The following STMN3 variants were observed in gnomAD, a reference collection of about 807,000 sequenced individuals.
STMN3 encodes stathmin 3.
STMN3 carries 24 observed loss-of-function variants against 23.2 expected under a neutral mutation model. The ratio of observed to expected loss-of-function variants is 1.03; its 90% CI spans 0.75 to 1.45. STMN3 has a LOEUF of 1.45. STMN3 is among the 40% of genes most tolerant of loss of function. The pLI is 0.00. For synonymous variants in STMN3, 117 were observed against 103.4 expected, an observed-to-expected ratio of 1.13 and a Z score of -0.80; for missense variants, 235 against 237.6, an observed-to-expected ratio of 0.99 and a Z score of 0.07.
intron 1 of STMN3, among the ~76,000 whole-genome samples, chr20:63,646,916 G>A (rs551444166): frequency 1.3e-5 from 2 of 151,560 alleles, no homozygotes; most frequent in South Asian, 4.2e-4. Context: ...ACCACACCCG[G>A]CTAATTTTTG....
At chr20:63,648,419 A>G (rs1238867895) in intron 1 of STMN3, among the ~76,000 whole-genome samples, 2 of 152,156 alleles carry the variant, frequency 1.3e-5, no homozygotes, top group Non-Finnish European at 2.9e-5. Flanking sequence ...CCTTCAGCTC[A>G]TCCTTCCTTA....
intron 1 of STMN3, among the ~76,000 whole-genome samples, 165 bp downstream of exon 1, chr20:63,653,162 C>G (rs1329723977): frequency 6.6e-6 from 1 of 151,482 alleles, no homozygotes; most frequent in Non-Finnish European, 1.5e-5. Flanking sequence ...CCAGCCCCGC[C>G]GGCGCCGCAG....
chr20:63,650,990 A>C, intron 1 of STMN3, among the ~76,000 whole-genome samples: 8 of 132,130 alleles, frequency 6.1e-5, no homozygotes, highest in South Asian at 2.3e-4. Context: ...AAGAGTTTCT[A>C]CTCTTGCTGC....
intron 1 of STMN3, among the ~76,000 whole-genome samples, chr20:63,650,211 C>T (rs1254383427): frequency 2.6e-5 from 4 of 152,084 alleles, no homozygotes. Flanking sequence ...ACCGCCCCCT[C>T]CCCACCATCC....
intron 3 of STMN3, 141 bp downstream of exon 3, chr20:63,643,615 C>A: frequency 7.4e-7 from 1 of 1,359,440 alleles, no homozygotes; most frequent in Non-Finnish European, 9.4e-7. Flanking sequence ...CAGAAAGAGG[C>A]CCAGGGAGCC....
At position 63,652,664 on chromosome 20, in the gene STMN3, C is replaced by T; in HGVS notation, c.19+663G>A. ...CGGAGGGTTTGGGGATCGCAGTCGC[C>T]CCTCCCCCATCCAGACCCCGCGGCG... On this transcript the variant is annotated intron_variant, in intron 1 of 4. Transcript: ENST00000370053. The surrounding 1 kb of genome is among the most constrained non-coding windows in gnomAD (Gnocchi z 5.3). 1 of 985,652 alleles carries T rather than the reference C, an allele frequency of 1.0e-6. No homozygotes were observed. The highest frequency in any genetic ancestry group is 4.7e-5 in the South Asian group (1 of 21,290). 61.1% of individuals were successfully genotyped at this position (985,652 alleles called of 1,614,324 possible).
At position 63,642,169 on chromosome 20, in the gene STMN3, T is replaced by C; in HGVS notation, c.422A>G (p.Glu141Gly). 1 of 1,531,288 alleles carries C rather than the reference T, an allele frequency of 6.5e-7. No homozygotes were observed. The highest frequency in any genetic ancestry group is 1.2e-5 in the South Asian group (1 of 85,500). 94.9% of individuals were successfully genotyped at this position (1,531,288 alleles called of 1,614,324 possible). ...TGCCTCGCGGATCTCCTTGCTGAGC[T>C]CCATCTTGTAGTTGAGCTTCTCCTC... is the stretch of plus-strand genomic sequence containing the variant. Reference protein sequence around the residue: ...QAEEKLNYKMELSKEIREAHL... With the variant: ...QAEEKLNYKMGLSKEIREAHL... The change falls in exon 4 of 5, where the codon GAG (glutamate) becomes GGG (glycine). Residue 141 changes from glutamate to glycine, a missense_variant. Physicochemically the swap from Glu to Gly is moderately conservative, Grantham distance 98. Transcript: ENST00000370053.
At chr20:63,647,917 TTA>T in intron 1 of STMN3, among the ~76,000 whole-genome samples, 9 of 115,664 alleles carry the variant, frequency 7.8e-5, no homozygotes, top group South Asian at 5.1e-4. Context: ...TGTGTATATA[TTA>T]ATATATATAC....
rs749531814 is a variant in STMN3, at chr20:63,646,807, C to CT, written c.20-2499dup. ...AGGTGCATGCCAGCACACCAGTTTT[C>CT]TTTTTTTTTTTATCTCTGCTCACTG... On this transcript the variant is annotated intron_variant, in intron 1 of 4. Coordinates refer to ENST00000370053, the MANE Select transcript of STMN3 (RefSeq NM_015894.4). 3.0e-3 allele frequency among the ~76,000 whole-genome samples: 430 copies of CT among 144,218 alleles called. 2 individuals are homozygous for CT. The highest frequency in any genetic ancestry group is 8.4e-3 in the South Asian group (38 of 4,522). The allele number at this position is 144,218 out of a possible 152,430, so 94.6% of individuals were successfully genotyped here.
intron 1 of STMN3, among the ~76,000 whole-genome samples, chr20:63,647,636 A>ATATATATATATACATGTATATATAT (rs1265020574): frequency 2.2e-5 from 3 of 137,796 alleles, no homozygotes; most frequent in Non-Finnish European, 4.6e-5. Flanking sequence ...ACAAACAAAC[A>ATATATATATATACATGTATATATAT]TATATATATA....
At position 63,652,782 on chromosome 20, in the gene STMN3, TC is replaced by T; in HGVS notation, c.19+544del. 3 of 984,924 alleles carry T rather than the reference TC, an allele frequency of 3.0e-6. No homozygotes were observed. Among genetic ancestry groups the T allele is most frequent in the Non-Finnish European group, 3.6e-6 (3 of 829,858 alleles). 61.0% of individuals were successfully genotyped at this position (984,924 alleles called of 1,614,324 possible). On this transcript the variant is annotated intron_variant, in intron 1 of 4. Transcript: ENST00000370053. The surrounding 1 kb of genome is among the most constrained non-coding windows in gnomAD (Gnocchi z 5.3). ...GCAGCGGTGTGGGGGGAGGGCGCGG[TC>T]CCCCTCACTCCGGGCTCCGCCGTGT...
chr20:63,653,358 G>C lies in STMN3; in HGVS notation c.-13C>G, dbSNP rs1033293777. On this transcript the variant is annotated 5_prime_UTR_variant, in exon 1 of 5. Transcript: ENST00000370053. ...TGGTGCTGGCCATGGTGCTGGCGGCGGTTGGGCCTGCGGAGGCTGGAGAGG... is the reference window on the plus strand; with the variant it reads ...TGGTGCTGGCCATGGTGCTGGCGGCCGTTGGGCCTGCGGAGGCTGGAGAGG... 1 of 1,545,690 alleles carries C rather than the reference G, an allele frequency of 6.5e-7. No homozygotes were observed. Among genetic ancestry groups the C allele is most frequent in the South Asian group, 1.2e-5 (1 of 83,926 alleles).
intron 1 of STMN3, among the ~76,000 whole-genome samples, chr20:63,653,025 G>A (rs1209660895): frequency 6.6e-6 from 1 of 151,900 alleles, no homozygotes; most frequent in African/African-American, 2.4e-5. Flanking sequence ...CCACGCCCGG[G>A]TCTGGGAGCC....
At chr20:63,644,153 G>T in intron 2 of STMN3, 61 bp downstream of exon 2, 1 of 1,496,488 alleles carries the variant, frequency 6.7e-7, no homozygotes. Flanking sequence ...GCCGGAGGCC[G>T]GGGGAAAAGG....
chr20:63,648,874 C>T (rs760340040), intron 1 of STMN3, among the ~76,000 whole-genome samples: 1 of 152,128 alleles, frequency 6.6e-6, no homozygotes, highest in Non-Finnish European at 1.5e-5. Context: ...AGGACAAACA[C>T]CAGGGAGGCT....
intron 4 of STMN3, among the ~76,000 whole-genome samples, chr20:63,641,723 G>A (rs1386794435): frequency 5.3e-5 from 8 of 152,148 alleles, no homozygotes; most frequent in Middle Eastern, 3.2e-3. Context: ...CCAGACTCTG[G>A]ACCTGCCTCG....
At chr20:63,653,116 G>A (rs992764499) in intron 1 of STMN3, among the ~76,000 whole-genome samples, 3 of 151,344 alleles carry the variant, frequency 2.0e-5, no homozygotes, top group Non-Finnish European at 4.4e-5. Context: ...GGTCCCGAGC[G>A]CTCCCCGGCG....
At chr20:63,649,895 C>T (rs972763926) in intron 1 of STMN3, among the ~76,000 whole-genome samples, 10 of 149,980 alleles carry the variant, frequency 6.7e-5, no homozygotes, top group South Asian at 6.3e-4. Context: ...GGCGCGATGT[C>T]GGCTCACTGC....
In STMN3 at chr20:63,642,200, G is replaced by A; in HGVS notation, c.391C>T (p.Gln131Ter). ...TTGTAGTTGAGCTTCTCCTCCGCCT[G>A]GCGGCTGAAGTTGTTATTCTCCTCC... ...ALEENNNFSR[Q>*]AEEKLNYKME... is the part of the protein sequence containing the mutation. The change falls in exon 4 of 5, where the codon CAG (glutamine) becomes TAG (stop). Residue 131 changes from glutamine to a stop codon, truncating the protein, a stop_gained. Transcript: ENST00000370053. LOFTEE classifies it high-confidence loss of function. 2 of 1,563,762 alleles carry A rather than the reference G, an allele frequency of 1.3e-6. No homozygotes were observed. The highest frequency in any genetic ancestry group is 2.6e-5 in the East Asian group (1 of 38,110).
Sources: gnomAD v4.1 joint callset for allele counts (sites outside exome capture counted in the v4.1 genomes callset) on GRCh38, gnomAD v4.1.1 for gene constraint, Gnocchi (gnomAD v3.1) non-coding constraint, MANE v1.5 for transcripts, NCBI Gene and HGNC (gene_info 2026-07-23, HGNC 2026-07-21) for gene names.